SUMF1: variants seen among roughly 807,000 people sequenced by gnomAD.
The protein encoded by SUMF1 is formylglycine-generating enzyme.
Under a neutral mutation model 47.6 loss-of-function variants are expected in SUMF1, and 48 were observed. That is an observed-to-expected ratio of 1.01 (90% CI 0.80 to 1.28). The LOEUF (loss-of-function observed/expected upper bound fraction) is 1.28, where lower values mean the gene tolerates loss of function less well. Among genes scored for constraint, SUMF1 ranks in the 50% most tolerant of loss-of-function variants. The probability of loss-of-function intolerance (pLI) is 0.00; values close to 1 mark genes in which losing one functional copy is unlikely to be tolerated. For missense variants in SUMF1, 571 were observed against 485.4 expected (o/e 1.18, Z -1.66); for synonymous variants, 230 against 192.1 (o/e 1.20, Z -1.63).
At chr3:4,218,032 C>T (rs924676926) in intron 8 of SUMF1, among the ~76,000 whole-genome samples, 4 of 151,836 alleles carry the variant, frequency 2.6e-5, no homozygotes, top group South Asian at 2.1e-4. Flanking sequence ...GGTCACTTCT[C>T]GAAAGCGAAG....
chr3:4,406,501 C>CA (rs1701381083), intron 7 of SUMF1, among the ~76,000 whole-genome samples: 1 of 151,890 alleles, frequency 6.6e-6, no homozygotes, highest in Admixed American at 6.6e-5. Flanking sequence ...ACTAAAAATA[C>CA]AAAAAAATTA....
intron 7 of SUMF1, among the ~76,000 whole-genome samples, chr3:4,380,917 G>C: frequency 6.6e-6 from 1 of 152,182 alleles, no homozygotes; most frequent in East Asian, 1.9e-4. Context: ...AAGTCTTTAA[G>C]GATGAGTTGA....
At chr3:4,227,066 C>T (rs763798042) in intron 8 of SUMF1, among the ~76,000 whole-genome samples, 1 of 152,090 alleles carries the variant, frequency 6.6e-6, no homozygotes, top group Non-Finnish European at 1.5e-5. Context: ...ACACTACACT[C>T]AAACAACCCC....
chr3:4,064,491 A>G (rs1695336911), intron 9 of SUMF1, among the ~76,000 whole-genome samples: 1 of 152,116 alleles, frequency 6.6e-6, no homozygotes, highest in African/African-American at 2.4e-5. Flanking sequence ...TCAAGAAATA[A>G]CTATAAGTAT....
chr3:4,221,904 G>A (rs955037676), intron 8 of SUMF1, among the ~76,000 whole-genome samples: 1 of 151,706 alleles, frequency 6.6e-6, no homozygotes, highest in African/African-American at 2.4e-5. Context: ...GTAGAATTGT[G>A]ATTTTTTTTC....
At chr3:4,243,906 G>C (rs977765251) in intron 8 of SUMF1, among the ~76,000 whole-genome samples, 1 of 152,100 alleles carries the variant, frequency 6.6e-6, no homozygotes, top group African/African-American at 2.4e-5. Context: ...TCTCTTTGTA[G>C]GTCTCTAAGA....
rs1324007345 is a variant in SUMF1, at chr3:4,457,065, T to TATACGTGTGTATAC, written c.271-4017_271-4016insGTATACACACGTAT. On this transcript the variant is annotated intron_variant, in intron 1 of 8. Transcript: ENST00000272902. Reference sequence around the variant, plus strand: ...ATATATATATACGTGTGTGTATATATATATATATACGTGTGTGTATATATA... The same window carrying TATACGTGTGTATAC: ...ATATATATATACGTGTGTGTATATATATACGTGTGTATACATATATATACGTGTGTGTATATATA... 1.1e-4 allele frequency among the ~76,000 whole-genome samples: 13 copies of TATACGTGTGTATAC among 119,234 alleles called. No homozygotes were observed. In the Admixed American group the frequency reaches 1.1e-3, roughly 10 times the overall value. The allele number at this position is 119,234 out of a possible 152,430, so 78.2% of individuals were successfully genotyped here. A position where few individuals can be genotyped will look rare whatever the true frequency, so the allele number is the denominator to read the frequency against.
intron 7 of SUMF1, among the ~76,000 whole-genome samples, chr3:4,405,301 A>G (rs1701340457): frequency 6.6e-6 from 1 of 152,230 alleles, no homozygotes; most frequent in Non-Finnish European, 1.5e-5. Context: ...GTGGATAGGC[A>G]AGAGCTCAGA....
At chr3:4,255,152 G>T (rs1181968350) in intron 8 of SUMF1, among the ~76,000 whole-genome samples, 2 of 149,374 alleles carry the variant, frequency 1.3e-5, no homozygotes, top group African/African-American at 4.9e-5. Flanking sequence ...ACCAGCCGCT[G>T]CAAAATCATG....
intron 3 of SUMF1, among the ~76,000 whole-genome samples, chr3:4,423,475 T>G (rs534594220): frequency 6.6e-6 from 1 of 152,154 alleles, no homozygotes; most frequent in African/African-American, 2.4e-5. Flanking sequence ...CAGCCCATAC[T>G]CTTCTACTCT....
At chr3:4,408,379 A>G (rs764160646) in intron 7 of SUMF1, among the ~76,000 whole-genome samples, 6 of 152,242 alleles carry the variant, frequency 3.9e-5, no homozygotes, top group Admixed American at 6.5e-5. Flanking sequence ...AACATTATGT[A>G]GTAGGTACAC....
intron 8 of SUMF1, among the ~76,000 whole-genome samples, chr3:4,238,960 A>G (rs1157816293): frequency 6.6e-6 from 1 of 152,130 alleles, no homozygotes; most frequent in Non-Finnish European, 1.5e-5. Flanking sequence ...TATAAGGTGT[A>G]AGGAAGGGAT....
intron 8 of SUMF1, among the ~76,000 whole-genome samples, chr3:4,267,147 C>T (rs1322901573): frequency 9.9e-5 from 15 of 152,042 alleles, no homozygotes; most frequent in East Asian, 3.9e-4. Flanking sequence ...TTGAGGATTT[C>T]TGCATCAATG....
chr3:4,388,552 C>T (rs1210125216), intron 7 of SUMF1, among the ~76,000 whole-genome samples: 3 of 151,802 alleles, frequency 2.0e-5, no homozygotes, highest in Non-Finnish European at 4.4e-5. Flanking sequence ...AAGCAATGTA[C>T]TTTTAATATA....
At chr3:4,266,299 G>A (rs1288356600) in intron 8 of SUMF1, among the ~76,000 whole-genome samples, 3 of 152,164 alleles carry the variant, frequency 2.0e-5, no homozygotes, top group African/African-American at 7.2e-5. Flanking sequence ...GGATGGCAAT[G>A]AATCTATAAA....
At chr3:4,271,703 T>C (rs1697308147) in intron 8 of SUMF1, among the ~76,000 whole-genome samples, 1 of 152,168 alleles carries the variant, frequency 6.6e-6, no homozygotes, top group African/African-American at 2.4e-5. Context: ...GGTCTCACTC[T>C]GTTGCCCAGG....
At chr3:4,081,069 A>T (rs1184930517) in intron 8 of SUMF1, among the ~76,000 whole-genome samples, 1 of 152,152 alleles carries the variant, frequency 6.6e-6, no homozygotes, top group African/African-American at 2.4e-5. Context: ...CCCAGGTTTC[A>T]AGACAAAGGT....
At chr3:4,255,861 G>A (rs1371985221) in intron 8 of SUMF1, among the ~76,000 whole-genome samples, 11 of 95,436 alleles carry the variant, frequency 1.2e-4, no homozygotes, top group Admixed American at 5.9e-4. Flanking sequence ...CCACATAGTT[G>A]GAAGTAAAGC....
chr3:4,203,738 A>G (rs1282249577), intron 8 of SUMF1, among the ~76,000 whole-genome samples: 1 of 149,848 alleles, frequency 6.7e-6, no homozygotes, highest in Non-Finnish European at 1.5e-5. Flanking sequence ...TTCTCTTTTC[A>G]TTTTTAGTAT....
Sources: allele counts gnomAD v4.1 joint callset (sites outside exome capture counted in the v4.1 genomes callset), GRCh38; gene constraint gnomAD v4.1.1; transcripts MANE v1.5; gene names NCBI Gene and HGNC (gene_info 2026-07-23, HGNC 2026-07-21).